SLC39A12: variants seen among roughly 807,000 people sequenced by gnomAD.
SLC39A12 encodes the protein zinc transporter ZIP12.
In SLC39A12, 63 loss-of-function variants were observed where a neutral mutation model predicts 71.1. The observed-to-expected ratio is 0.89, with a 90% CI of 0.72 to 1.09. The LOEUF is 1.09. SLC39A12 is among the 50% of genes least tolerant of loss of function. SLC39A12 has a pLI of 0.00. For missense variants in SLC39A12, 892 were observed against 812.6 expected (o/e 1.10, Z -1.19); for synonymous variants, 351 against 301.3 (o/e 1.16, Z -1.71).
At chr10:18,021,425 A>C (rs907526311) in intron 12 of SLC39A12, among the ~76,000 whole-genome samples, 1 of 152,032 alleles carries the variant, frequency 6.6e-6, no homozygotes, top group African/African-American at 2.4e-5. Flanking sequence ...GTTTTGTCTA[A>C]GATAAGAATA....
intron 12 of SLC39A12, among the ~76,000 whole-genome samples, chr10:18,014,207 T>G (rs1017242240): frequency 6.6e-6 from 1 of 152,196 alleles, no homozygotes; most frequent in African/African-American, 2.4e-5. Context: ...ATTTTCTTCT[T>G]TTTGATGATA....
intron 12 of SLC39A12, among the ~76,000 whole-genome samples, chr10:18,029,416 G>T (rs1275909545): frequency 1.3e-5 from 2 of 152,040 alleles, no homozygotes; most frequent in Non-Finnish European, 2.9e-5. Context: ...TTTATTTCCA[G>T]AAAATTACAA....
At position 17,987,516 on chromosome 10, in the gene SLC39A12, A is replaced by C; in HGVS notation, c.1134A>C (p.Thr378=). ...GYSTVAVTLL[T]LGSMLGTALV... ...GCACGGTGGCTGTCACCCTTCTCACACTGGGCTCCATGCTGGGGACAGCGC... is the reference window on the plus strand; with the variant it reads ...GCACGGTGGCTGTCACCCTTCTCACCCTGGGCTCCATGCTGGGGACAGCGC... Residue 378 remains threonine, a synonymous_variant, in exon 7 of 13, where the codon ACA becomes ACC. Coordinates refer to ENST00000377369, the MANE Select transcript of SLC39A12 (RefSeq NM_001145195.2). 1.2e-6 allele frequency: 2 copies of C among 1,613,840 alleles called. No homozygotes were observed. Among genetic ancestry groups the C allele is most frequent in the Non-Finnish European group, 1.7e-6 (2 of 1,179,970 alleles).
At chr10:18,028,165 A>C (rs1836730857) in intron 12 of SLC39A12, among the ~76,000 whole-genome samples, 1 of 152,210 alleles carries the variant, frequency 6.6e-6, no homozygotes, top group Non-Finnish European at 1.5e-5. Context: ...TAATGCCAAA[A>C]GCTATGCATT....
At chr10:17,985,590 C>G (rs375843653) in intron 6 of SLC39A12, among the ~76,000 whole-genome samples, 1 of 152,090 alleles carries the variant, frequency 6.6e-6, no homozygotes, top group African/African-American at 2.4e-5. Flanking sequence ...TGTTTACTAA[C>G]TAGTTTGCCA....
At chr10:17,979,985 G>C (rs906206271) in intron 5 of SLC39A12, among the ~76,000 whole-genome samples, 11 of 152,054 alleles carry the variant, frequency 7.2e-5, no homozygotes, top group African/African-American at 1.7e-4. Context: ...TATATGCAGA[G>C]GGAAAAAGAA....
chr10:18,021,489 C>A (rs988436462), intron 12 of SLC39A12, among the ~76,000 whole-genome samples: 1 of 152,022 alleles, frequency 6.6e-6, no homozygotes, highest in East Asian at 1.9e-4. Flanking sequence ...TTCTCCATCC[C>A]TTTACTTTGA....
chr10:18,033,640 C>T (rs1374687945), intron 12 of SLC39A12, among the ~76,000 whole-genome samples: 1 of 146,556 alleles, frequency 6.8e-6, no homozygotes, highest in African/African-American at 2.5e-5. Context: ...TTTTTTGTGT[C>T]TCTATTTCCT....
intron 10 of SLC39A12, among the ~76,000 whole-genome samples, chr10:17,998,711 A>G (rs1835752309): frequency 6.6e-6 from 1 of 152,212 alleles, no homozygotes; most frequent in Admixed American, 6.5e-5. Context: ...TACACAGGCC[A>G]TCTTTGAAAC....
At chr10:17,955,980 AG>A (rs1834536469) in intron 2 of SLC39A12, among the ~76,000 whole-genome samples, 1 of 152,160 alleles carries the variant, frequency 6.6e-6, no homozygotes, top group African/African-American at 2.4e-5. Flanking sequence ...GGCACCTTCT[AG>A]TGTTGAGACA....
chr10:17,987,798 C>G (rs1441596980), intron 7 of SLC39A12, 147 bp downstream of exon 7: 3 of 786,900 alleles, frequency 3.8e-6, no homozygotes, highest in Non-Finnish European at 6.0e-6. Context: ...ATTATTTCCC[C>G]AAGGCCTCTC....
chr10:17,957,013 C>T (rs1432188124), intron 2 of SLC39A12, among the ~76,000 whole-genome samples: 10 of 151,894 alleles, frequency 6.6e-5, no homozygotes, highest in Admixed American at 3.3e-4. Context: ...CCCCCACCTC[C>T]GGAAAAGAAA....
intron 12 of SLC39A12, among the ~76,000 whole-genome samples, chr10:18,026,980 T>C (rs1045512611): frequency 3.9e-5 from 6 of 152,256 alleles, no homozygotes; most frequent in African/African-American, 1.4e-4. Context: ...AAACTCCTGA[T>C]CCAATCATTT....
At position 18,000,784 on chromosome 10, in the gene SLC39A12, C is replaced by T. The variant is rs746437646; in HGVS notation, c.1718C>T (p.Thr573Ile). The change falls in exon 11 of 13, where the codon ACT (threonine) becomes ATT (isoleucine). Residue 573 changes from threonine (T) to isoleucine (I), a missense_variant. Coordinates refer to ENST00000377369, the MANE Select transcript of SLC39A12 (RefSeq NM_001145195.2). Reference sequence around the variant, plus strand: ...TCATCATCCGAGTCAGGAGTGACCACTACGATTGCTATCTTGTGTCATGAA... The same window carrying T: ...TCATCATCCGAGTCAGGAGTGACCATTACGATTGCTATCTTGTGTCATGAA... ...FSSSSESGVT[T>I]TIAILCHEIP... 25 of 1,614,014 alleles carry T rather than the reference C, an allele frequency of 1.5e-5. No homozygotes were observed. Among genetic ancestry groups the T allele is most frequent in the Non-Finnish European group, 2.0e-5 (24 of 1,179,998 alleles).
chr10:18,018,479 C>G (rs190121354), intron 12 of SLC39A12, among the ~76,000 whole-genome samples: 1 of 152,208 alleles, frequency 6.6e-6, no homozygotes, highest in African/African-American at 2.4e-5. Context: ...GGGAAAGCTT[C>G]TAGTTTCTCA....
chr10:17,963,480 A>G (rs1450342271), intron 3 of SLC39A12, among the ~76,000 whole-genome samples: 1 of 152,210 alleles, frequency 6.6e-6, no homozygotes, highest in African/African-American at 2.4e-5. Context: ...AATCAGTATT[A>G]TATCTAGAAC....
Position 18,015,528 on chromosome 10 carries a change from A to G in SLC39A12, c.1947+12170A>G, listed in dbSNP as rs549197693. 5.9e-5 allele frequency among the ~76,000 whole-genome samples: 9 copies of G among 152,306 alleles called. No homozygotes were observed. In the East Asian group the frequency reaches 1.3e-3, roughly 23 times the overall value. On this transcript the variant is annotated intron_variant, in intron 12 of 12. Transcript: ENST00000377369. ...TAATATTGTAGAAAGTGCTTGGACT[A>G]AATCTTGTCTTGAGTATCAATAAGA...
chr10:17,984,808 C>T (rs770456196), intron 6 of SLC39A12, among the ~76,000 whole-genome samples: 3 of 152,320 alleles, frequency 2.0e-5, no homozygotes, highest in Non-Finnish European at 4.4e-5. Context: ...AAAACTAAAA[C>T]TCTATACCCA....
intron 8 of SLC39A12, among the ~76,000 whole-genome samples, chr10:17,992,088 CAAAA>C (rs59014549): frequency 1.1e-5 from 1 of 87,224 alleles, no homozygotes. Context: ...GACTCCATCT[CAAAA>C]AAAAAAAAAA....
Sources: gnomAD v4.1 joint callset for allele counts (sites outside exome capture counted in the v4.1 genomes callset) on GRCh38, gnomAD v4.1.1 for gene constraint, MANE v1.5 for transcripts, NCBI Gene and HGNC (gene_info 2026-07-23, HGNC 2026-07-21) for gene names.